Variants in ESRRG observed in about 807,000 individuals in gnomAD.
The protein encoded by ESRRG is estrogen-related receptor gamma.
ESRRG carries 13 observed loss-of-function variants against 44.0 expected under a neutral mutation model. That is an observed-to-expected ratio of 0.30 (90% CI 0.19 to 0.47). The LOEUF (loss-of-function observed/expected upper bound fraction) is 0.47, where lower values mean the gene tolerates loss of function less well. ESRRG is among the 20% of genes least tolerant of loss of function. The pLI is 1.00. For synonymous variants in ESRRG, 215 were observed against 214.6 expected, an observed-to-expected ratio of 1.00 and a Z score of -0.02; for missense variants, 395 against 580.6, an observed-to-expected ratio of 0.68 and a Z score of 3.29.
chr1:216,620,920 T>G (rs1231643668), intron 3 of ESRRG, among the ~76,000 whole-genome samples: 1 of 152,216 alleles, frequency 6.6e-6, no homozygotes, highest in Non-Finnish European at 1.5e-5. Flanking sequence ...TAGATATGTT[T>G]GGCTTACCAA....
At chr1:217,097,957 C>T (rs797020549) in intron 1 of ESRRG, among the ~76,000 whole-genome samples, 45 of 152,222 alleles carry the variant, frequency 3.0e-4, no homozygotes, top group African/African-American at 1.1e-3. Flanking sequence ...GCCCCAGTCA[C>T]ACCCCATAGC....
At chr1:217,072,664 G>A (rs557329245) in intron 1 of ESRRG, among the ~76,000 whole-genome samples, 13 of 151,936 alleles carry the variant, frequency 8.6e-5, no homozygotes, top group Middle Eastern at 3.4e-3. Flanking sequence ...CTTTTGAGCA[G>A]TCCCTTTAAG....
At chr1:216,700,869 TCTTTA>T (rs1355304111) in intron 1 of ESRRG, among the ~76,000 whole-genome samples, 1 of 152,210 alleles carries the variant, frequency 6.6e-6, no homozygotes, top group Non-Finnish European at 1.5e-5. Flanking sequence ...TAGGTTTCTG[TCTTTA>T]CTTTGCTTTC....
chr1:216,855,593 C>T (rs141236322), intron 2 of ESRRG, among the ~76,000 whole-genome samples: 22 of 152,288 alleles, frequency 1.4e-4, no homozygotes, highest in East Asian at 1.2e-3. Flanking sequence ...AAGGCCGCAA[C>T]GAGACTGCCA....
At chr1:216,638,273 A>G (rs2065705202) in intron 3 of ESRRG, among the ~76,000 whole-genome samples, 1 of 152,174 alleles carries the variant, frequency 6.6e-6, no homozygotes, top group Admixed American at 6.5e-5. Context: ...TGTATGTATA[A>G]TTACAATCTC....
intron 3 of ESRRG, among the ~76,000 whole-genome samples, chr1:216,618,480 T>C (rs1048844421): frequency 6.6e-6 from 1 of 152,238 alleles, no homozygotes; most frequent in African/African-American, 2.4e-5. Flanking sequence ...TCAGCTACAA[T>C]CTTACATATT....
chr1:216,948,512 G>T lies in ESRRG; in HGVS notation c.-105-8839C>A, dbSNP rs1259878135. Among the ~76,000 whole-genome samples, 4 of 150,472 alleles carry T rather than the reference G, an allele frequency of 2.7e-5. No homozygotes were observed. In the East Asian group the frequency reaches 5.9e-4, roughly 22 times the overall value. On this transcript the variant is annotated intron_variant, in intron 1 of 7. Transcript: ENST00000359162. ...AAAAAAAAAGAAAGAAAGAAACAGG[G>T]GACCTAATATTAGCTAATATTAGGT...
chr1:216,905,445 G>A (rs745689740), intron 2 of ESRRG, among the ~76,000 whole-genome samples: 1 of 152,092 alleles, frequency 6.6e-6, no homozygotes, highest in African/African-American at 2.4e-5. Context: ...TCGGCTCAAA[G>A]GTTACCCCTT....
intron 1 of ESRRG, among the ~76,000 whole-genome samples, chr1:217,084,687 G>T (rs570698150): frequency 2.0e-5 from 3 of 152,252 alleles, no homozygotes; most frequent in African/African-American, 4.8e-5. Flanking sequence ...AAAGTAAAAT[G>T]AGCAAATTCA....
At chr1:217,133,633 C>CCT (rs2092999080) in intron 1 of ESRRG, among the ~76,000 whole-genome samples, 1 of 96,660 alleles carries the variant, frequency 1.0e-5, no homozygotes, top group Non-Finnish European at 2.0e-5. Context: ...TTCTTTCTTT[C>CCT]TCTCTCTCTC....
chr1:216,715,158 C>A (rs1337330528), intron 1 of ESRRG: 1 of 985,146 alleles, frequency 1.0e-6, no homozygotes, highest in Non-Finnish European at 1.2e-6. Flanking sequence ...ATGAATTAGC[C>A]AAGTGTGTAG....
intron 5 of ESRRG, among the ~76,000 whole-genome samples, chr1:216,563,942 A>G (rs1200602828): frequency 6.6e-6 from 1 of 152,202 alleles, no homozygotes; most frequent in Non-Finnish European, 1.5e-5. Context: ...GACAAAGGAT[A>G]AAGAAATGTT....
chr1:216,719,326 T>A (rs2152048563), intron 1 of ESRRG, among the ~76,000 whole-genome samples: 1 of 152,104 alleles, frequency 6.6e-6, no homozygotes, highest in Admixed American at 6.5e-5. Context: ...ATGGTCCTTA[T>A]CTTTTCTCAG....
At chr1:216,705,974 G>C (rs1443485541) in intron 1 of ESRRG, among the ~76,000 whole-genome samples, 1 of 151,968 alleles carries the variant, frequency 6.6e-6, no homozygotes, top group Non-Finnish European at 1.5e-5. Flanking sequence ...TTTGGGGGTG[G>C]GGTGGAAGTG....
chr1:216,936,642 A>G (rs2064193981), intron 2 of ESRRG: 1 of 152,116 alleles, frequency 6.6e-6, no homozygotes, highest in Admixed American at 6.5e-5. Context: ...TAGAGATCAA[A>G]TTGTTTTACT....
At chr1:216,667,617 C>T (rs1371088634) in intron 2 of ESRRG, among the ~76,000 whole-genome samples, 3 of 129,332 alleles carry the variant, frequency 2.3e-5, no homozygotes, top group Non-Finnish European at 4.6e-5. Flanking sequence ...ATCCGGGAGG[C>T]GGAGTTTGCA....
chr1:217,136,720 T>C (rs566072126), intron 1 of ESRRG, among the ~76,000 whole-genome samples: 17 of 152,260 alleles, frequency 1.1e-4, no homozygotes, highest in African/African-American at 4.1e-4. Flanking sequence ...GGGTGGTGAT[T>C]GGCTCAGTAG....
At chr1:216,958,312 T>C (rs549964670) in intron 1 of ESRRG, among the ~76,000 whole-genome samples, 2 of 152,262 alleles carry the variant, frequency 1.3e-5, no homozygotes, top group Admixed American at 1.3e-4. Context: ...AATTGCTGGG[T>C]CATAGGTAAA....
chr1:216,912,120 GAAAA>G (rs2060390649), intron 2 of ESRRG, among the ~76,000 whole-genome samples: 1 of 12,030 alleles, frequency 8.3e-5, no homozygotes. Flanking sequence ...GAAAAGAAAA[GAAAA>G]GAAAAGAAAA....
Sources: allele counts gnomAD v4.1 joint callset (sites outside exome capture counted in the v4.1 genomes callset), GRCh38; gene constraint gnomAD v4.1.1; transcripts MANE v1.5; gene names NCBI Gene and HGNC (gene_info 2026-07-23, HGNC 2026-07-21).